The following COXFA4L3 variants were observed in gnomAD, a reference collection of about 807,000 sequenced individuals.
COXFA4L3 encodes cytochrome c oxidase associated subunit FA4L3, also known as MIR147B host.
the COXFA4L3 span, among the ~76,000 whole-genome samples, chr15:45,432,729 A>C: frequency 2.5e-4 from 38 of 152,294 alleles, no homozygotes; most frequent in African/African-American, 9.1e-4. Context: ...CTCTGATCTC[A>C]TAACACTTAG....
the COXFA4L3 span, chr15:45,432,003 A>G: frequency 7.3e-7 from 1 of 1,374,584 alleles, no homozygotes; most frequent in Non-Finnish European, 1.0e-6. Flanking sequence ...TAACATGTTT[A>G]TAAACCCAGT....
chr15:45,431,225 C>A, the COXFA4L3 span: 2 of 556,416 alleles, frequency 3.6e-6, no homozygotes, highest in Non-Finnish European at 3.1e-6. Context: ...TAAAAAGCAT[C>A]TTTTATCAGA....
At chr15:45,432,946 A>G in the COXFA4L3 span, 1 of 1,599,024 alleles carries the variant, frequency 6.3e-7, no homozygotes, top group Non-Finnish European at 8.5e-7. Flanking sequence ...TTTTCTCTTC[A>G]GCTTATAACA....
At chr15:45,433,252 A>G in the COXFA4L3 span, 42 of 461,420 alleles carry the variant, frequency 9.1e-5, no homozygotes, top group East Asian at 1.5e-3. Flanking sequence ...ATTTTTGTTT[A>G]TGATCTATGA....
At chr15:45,431,089 A>T in the COXFA4L3 span, 1 of 1,610,622 alleles carries the variant, frequency 6.2e-7, no homozygotes, top group Non-Finnish European at 8.5e-7. Flanking sequence ...GATGTGATGT[A>T]AGTAGGTCTC....
At chr15:45,433,181 T>A in the COXFA4L3 span, 2 of 753,478 alleles carry the variant, frequency 2.7e-6, no homozygotes, top group Non-Finnish European at 2.5e-6. Context: ...AGTGCAGCAA[T>A]AACTGCACTG....
the COXFA4L3 span, chr15:45,433,101 T>G: frequency 4.5e-6 from 6 of 1,324,470 alleles, no homozygotes; most frequent in Non-Finnish European, 4.4e-6. Context: ...GACACCAGTG[T>G]GCGGAAATGC....
chr15:45,431,293 G>GAC, the COXFA4L3 span: 16,006 of 422,066 alleles, frequency 0.038, 2,036 homozygotes, highest in African/African-American at 0.29. Flanking sequence ...AAAAAAAAAA[G>GAC]AAAAAATTTA....
At chr15:45,432,112 G>A in the COXFA4L3 span, 2 of 1,613,638 alleles carry the variant, frequency 1.2e-6, no homozygotes, top group African/African-American at 2.7e-5. Context: ...GGAAACTGTG[G>A]ACCCTACTGT....
At chr15:45,431,696 C>T in the COXFA4L3 span, among the ~76,000 whole-genome samples, 2 of 152,144 alleles carry the variant, frequency 1.3e-5, no homozygotes, top group African/African-American at 4.8e-5. Flanking sequence ...GAGCCTAGAG[C>T]CCTGGAGTTC....
At chr15:45,433,117 C>G in the COXFA4L3 span, 1 of 1,234,176 alleles carries the variant, frequency 8.1e-7, no homozygotes, top group Non-Finnish European at 1.2e-6. Context: ...AATGCTTCTG[C>G]TACATTTTTA....
the COXFA4L3 span, chr15:45,432,817 A>G: frequency 1.5e-6 from 1 of 683,138 alleles, no homozygotes; most frequent in South Asian, 1.9e-5. Flanking sequence ...TTAGATATGG[A>G]AAGAGGTAGG....
chr15:45,430,856 A>G, the COXFA4L3 span: 1 of 1,603,752 alleles, frequency 6.2e-7, no homozygotes, highest in Admixed American at 1.7e-5. Flanking sequence ...ACAATTGAAA[A>G]TCTTGACTAA....
the COXFA4L3 span, chr15:45,432,904 A>C: frequency 1.3e-6 from 2 of 1,563,758 alleles, no homozygotes; most frequent in South Asian, 1.2e-5. Flanking sequence ...ATGAAAGTCA[A>C]ATTTTTAACA....
the COXFA4L3 span, chr15:45,431,222 C>A: frequency 1.8e-6 from 1 of 558,298 alleles, no homozygotes; most frequent in Non-Finnish European, 3.1e-6. Context: ...GGTTAAAAAG[C>A]ATCTTTTATC....
At chr15:45,433,279 T>A in the COXFA4L3 span, 1 of 360,836 alleles carries the variant, frequency 2.8e-6, no homozygotes, top group East Asian at 4.9e-5. Flanking sequence ...TTCTTAAAAT[T>A]TACAAAGCTT....
chr15:45,431,212 G>A, the COXFA4L3 span: 1 of 632,208 alleles, frequency 1.6e-6, no homozygotes. Flanking sequence ...TGGGAGTCAG[G>A]GTTAAAAAGC....
the COXFA4L3 span, chr15:45,432,257 T>C: frequency 1.3e-6 from 1 of 748,734 alleles, no homozygotes; most frequent in Non-Finnish European, 2.2e-6. Flanking sequence ...CATCGAGTAA[T>C]TAAAATGAGG....
At chr15:45,431,201 C>T in the COXFA4L3 span, 1 of 756,562 alleles carries the variant, frequency 1.3e-6, no homozygotes, top group African/African-American at 1.8e-5. Context: ...AAATTGTGAA[C>T]TGGGAGTCAG....
Sources: allele counts gnomAD v4.1 joint callset (sites outside exome capture counted in the v4.1 genomes callset), GRCh38; gene constraint gnomAD v4.1.1; transcripts MANE v1.5; gene names NCBI Gene and HGNC (gene_info 2026-07-23, HGNC 2026-07-21).